Variants in TOGARAM1 observed in about 807,000 individuals in gnomAD.
TOGARAM1 encodes the protein TOG array regulator of axonemal microtubules protein 1.
TOGARAM1 carries 100 observed loss-of-function variants against 166.6 expected under a neutral mutation model. The observed-to-expected ratio is 0.60, with a 90% CI of 0.51 to 0.71. The LOEUF (loss-of-function observed/expected upper bound fraction) is 0.71. Ranked by LOEUF, TOGARAM1 falls within the 30% of genes least tolerant of loss-of-function variation. TOGARAM1 has a pLI of 0.00. For synonymous variants in TOGARAM1, 758 were observed against 763.8 expected, an observed-to-expected ratio of 0.99 and a Z score of 0.13; for missense variants, 2,029 against 2,102.7, an observed-to-expected ratio of 0.96 and a Z score of 0.69.
chr14:44,999,241 A>T, intron 2 of TOGARAM1, 122 bp from the exon 3 acceptor site: 1 of 947,988 alleles, frequency 1.1e-6, no homozygotes, highest in Non-Finnish European at 1.5e-6. Context: ...TGCCTACCTC[A>T]CTGTACTTAA....
intron 1 of TOGARAM1, among the ~76,000 whole-genome samples, chr14:44,980,500 G>A (rs1886470366): frequency 6.6e-6 from 1 of 152,170 alleles, no homozygotes; most frequent in Admixed American, 6.5e-5. Flanking sequence ...GGCCAACATA[G>A]TGAAACCTTG....
rs770167711 is a variant in TOGARAM1 at position 45,046,826 on chromosome 14, G to A, written c.4313+123G>A. ...GAGAAGTGGGGTCCCAGGGATTGGT[G>A]CTGGGGGATGGTCTTATTTAACCAG... On this transcript the variant is annotated intron_variant, in intron 14 of 19. Coordinates refer to ENST00000361462, the MANE Select transcript of TOGARAM1 (RefSeq NM_001308120.2). 78 of 767,898 alleles carry A rather than the reference G, an allele frequency of 1.0e-4. 1 individual carries two copies. The highest frequency in any genetic ancestry group is 1.4e-4 in the Non-Finnish European group (78 of 555,292). The allele number at this position is 767,898 out of a possible 1,614,324, so 47.6% of individuals were successfully genotyped here.
At chr14:44,992,718 C>T (rs1393669227) in intron 1 of TOGARAM1, among the ~76,000 whole-genome samples, 1 of 149,664 alleles carries the variant, frequency 6.7e-6, no homozygotes, top group Non-Finnish European at 1.5e-5. Context: ...CCTGGCTTCA[C>T]GCCATTCTCC....
intron 17 of TOGARAM1, among the ~76,000 whole-genome samples, chr14:45,068,131 ACAGT>A (rs774380974): frequency 7.2e-5 from 11 of 152,286 alleles, no homozygotes; most frequent in Non-Finnish European, 1.3e-4. Flanking sequence ...TATCATATTT[ACAGT>A]CAGTCAGTCA....
At chr14:44,995,404 C>G in intron 1 of TOGARAM1, 1 of 453,398 alleles carries the variant, frequency 2.2e-6, no homozygotes, top group South Asian at 1.6e-5. Context: ...AGTACTCAAA[C>G]AAAGATAGCA....
chr14:44,983,267 G>C (rs1009008664), intron 1 of TOGARAM1, among the ~76,000 whole-genome samples: 2 of 152,118 alleles, frequency 1.3e-5, no homozygotes, highest in African/African-American at 4.8e-5. Flanking sequence ...TTGGGATAGA[G>C]GAGGAAGTCT....
chr14:45,037,252 T>G (rs1022341943), intron 11 of TOGARAM1, among the ~76,000 whole-genome samples: 7 of 152,248 alleles, frequency 4.6e-5, no homozygotes, highest in African/African-American at 1.7e-4. Flanking sequence ...GGAGAATCTC[T>G]GCTGCTGCTG....
chr14:44,964,157 C>G lies in TOGARAM1; in HGVS notation c.1736C>G (p.Pro579Arg). Residue 579 changes from proline (P) to arginine (R), a missense_variant, in exon 1 of 20, where the codon CCA becomes CGA. This residue lies in a region of TOGARAM1 where 1,453 missense variants were observed against 1,432.2 expected (regional missense o/e 1.01). Transcript: ENST00000361462. The stretch of plus-strand genomic sequence containing the variant: ...GCCAGATTGGCTAGGAAAACCTTAC[C>G]AAGGCTCACAGAGCAGGGATTTGTG... ...VQARLARKTL[P>R]RLTEQGFVEY... 3 of 1,614,170 alleles carry G rather than the reference C, an allele frequency of 1.9e-6. No individual in the cohort carries two copies. Among genetic ancestry groups the G allele is most frequent in the South Asian group, 2.2e-5 (2 of 91,084 alleles).
chr14:45,028,156 CTT>C lies in TOGARAM1; in HGVS notation c.3505-18_3505-17del, dbSNP rs769519274. 18 of 1,552,826 alleles carry C rather than the reference CTT, an allele frequency of 1.2e-5. No individual in the cohort carries two copies. The Admixed American group carries it at 4.0e-4, about 34-fold the overall frequency. On this transcript the variant is annotated intron_variant, in intron 9 of 19. Transcript: ENST00000361462. The stretch of plus-strand genomic sequence containing the variant: ...ATCAAAGTCCCTGAATATTTTCAGA[CTT>C]TCAACTTTTTCATGCAGGCTAAAGT...
At chr14:45,045,583 A>ATATATATG (rs1431167583) in intron 13 of TOGARAM1, among the ~76,000 whole-genome samples, 10 of 37,472 alleles carry the variant, frequency 2.7e-4, no homozygotes, top group Non-Finnish European at 3.5e-4. Flanking sequence ...ATATATATAT[A>ATATATATG]TGTGTGTGTG....
At chr14:45,039,734 G>C (rs545617161) in intron 11 of TOGARAM1, among the ~76,000 whole-genome samples, 1 of 152,190 alleles carries the variant, frequency 6.6e-6, no homozygotes, top group Non-Finnish European at 1.5e-5. Context: ...GGGGGCAGGG[G>C]GGTTTCCAGG....
At chr14:45,008,865 A>G (rs114182297) in intron 5 of TOGARAM1, 48 bp from the exon 6 acceptor site, 3 of 1,464,002 alleles carry the variant, frequency 2.0e-6, no homozygotes, top group African/African-American at 1.4e-5. Context: ...ACTTTTACCA[A>G]TATAAGGAAT....
chr14:44,986,991 C>T lies in TOGARAM1; in HGVS notation c.2047-8755C>T, dbSNP rs564270152. Among the ~76,000 whole-genome samples the T allele has an allele frequency of 2.7e-4, 37 of 135,774 alleles. No homozygotes were observed. The South Asian group carries it at 7.2e-3, about 26-fold the overall frequency. 89.1% of individuals were successfully genotyped at this position (135,774 alleles called of 152,430 possible). ...CTGCACTCCAGCCTGGGCGACAGAGCGAGACTCTGTCTCAAAAAAAAAAAA... is the reference window on the plus strand; with the variant it reads ...CTGCACTCCAGCCTGGGCGACAGAGTGAGACTCTGTCTCAAAAAAAAAAAA... On this transcript the variant is annotated intron_variant, in intron 1 of 19. Coordinates refer to ENST00000361462, the MANE Select transcript of TOGARAM1 (RefSeq NM_001308120.2).
chr14:44,973,785 A>G (rs1886033269), intron 1 of TOGARAM1, among the ~76,000 whole-genome samples: 1 of 151,630 alleles, frequency 6.6e-6, no homozygotes, highest in African/African-American at 2.4e-5. Flanking sequence ...ATAGACTTCT[A>G]AATTGATGGG....
chr14:44,963,590 C>T lies in TOGARAM1; in HGVS notation c.1169C>T (p.Ser390Phe). The change falls in exon 1 of 20, where the codon TCT (serine) becomes TTT (phenylalanine). Residue 390 changes from serine to phenylalanine, a missense_variant. This residue lies in a region of TOGARAM1 where 1,453 missense variants were observed against 1,432.2 expected (regional missense o/e 1.01). Coordinates refer to ENST00000361462, the MANE Select transcript of TOGARAM1 (RefSeq NM_001308120.2). ...GKFNPSSTPH[S>F]SLVGFISLLY... ...TTTAACCCTAGTTCTACTCCTCATT[C>T]TAGTCTTGTTGGCTTCATTAGTTTG... 1.9e-6 allele frequency: 3 copies of T among 1,613,710 alleles called. No individual in the cohort carries two copies. The highest frequency in any genetic ancestry group is 2.5e-6 in the Non-Finnish European group (3 of 1,179,834).
rs1309347822 is a variant in TOGARAM1 at position 44,980,005 on chromosome 14, GA to G, written c.2046+15547del. 3.3e-5 allele frequency among the ~76,000 whole-genome samples: 5 copies of G among 151,296 alleles called. No individual in the cohort carries two copies. In the South Asian group the frequency reaches 8.3e-4, roughly 25 times the overall value. On this transcript the variant is annotated intron_variant, in intron 1 of 19. Coordinates refer to ENST00000361462, the MANE Select transcript of TOGARAM1 (RefSeq NM_001308120.2). ...CAAAGTATATTAGTGTTATAATATT[GA>G]AAAAAAAATCTAGACTATGGATAAC...
intron 7 of TOGARAM1, among the ~76,000 whole-genome samples, chr14:45,019,582 T>G (rs1880371482): frequency 6.6e-6 from 1 of 152,208 alleles, no homozygotes; most frequent in South Asian, 2.1e-4. Flanking sequence ...CCTGGGTTTA[T>G]ATCCCAATCA....
chr14:44,993,562 A>G (rs559271273), intron 1 of TOGARAM1, among the ~76,000 whole-genome samples: 2 of 152,174 alleles, frequency 1.3e-5, no homozygotes, highest in African/African-American at 4.8e-5. Context: ...AAATTTATGA[A>G]TTCTATTTTC....
chr14:45,070,207 G>A (rs113787041), intron 18 of TOGARAM1, among the ~76,000 whole-genome samples: 66 of 151,954 alleles, frequency 4.3e-4, no homozygotes, highest in African/African-American at 1.4e-3. Flanking sequence ...AAGATTATCC[G>A]TCATGTCCAC....
Sources: allele counts gnomAD v4.1 joint callset (sites outside exome capture counted in the v4.1 genomes callset), GRCh38; gene constraint gnomAD v4.1.1; regional missense constraint gnomAD v4.1.1; transcripts MANE v1.5; gene names NCBI Gene and HGNC (gene_info 2026-07-23, HGNC 2026-07-21).